Variants in CAPN5 observed in about 807,000 individuals in gnomAD.
CAPN5 encodes calpain 5, also known as calpain-5.
In CAPN5, 54 loss-of-function variants were observed where a neutral mutation model predicts 73.0. That is an observed-to-expected ratio of 0.74 (90% confidence interval 0.59 to 0.93). The LOEUF is 0.93. CAPN5 is among the 40% of genes least tolerant of loss of function. CAPN5 has a pLI of 0.00. For synonymous variants in CAPN5, 335 were observed against 356.9 expected (o/e 0.94, Z 0.69); for missense variants, 785 against 882.9 (o/e 0.89, Z 1.41).
rs1950512047 is a variant in CAPN5 at position 77,120,637 on chromosome 11, G to T, written c.1291-76G>T. On this transcript the variant is annotated intron_variant, in intron 9 of 12. Coordinates refer to ENST00000648180, the MANE Select transcript of CAPN5 (RefSeq NM_004055.5). Reference sequence around the variant, plus strand: ...GGATTCCATCGTCCCTTCCATGGTGGTGAGGGGGAGGCGGGGTGGGCCAGG... The same window carrying T: ...GGATTCCATCGTCCCTTCCATGGTGTTGAGGGGGAGGCGGGGTGGGCCAGG... The T allele has an allele frequency of 4.4e-6, 4 of 918,638 alleles. No homozygotes were observed. In the South Asian group the frequency reaches 6.5e-5, roughly 15 times the overall value. 56.9% of individuals were successfully genotyped at this position (918,638 alleles called of 1,614,324 possible). A position where few individuals can be genotyped will look rare whatever the true frequency, so the allele number is the denominator to read the frequency against.
At chr11:77,093,410 C>T (rs1555036862) in intron 2 of CAPN5, among the ~76,000 whole-genome samples, 2 of 152,206 alleles carry the variant, frequency 1.3e-5, no homozygotes, top group African/African-American at 4.8e-5. Context: ...CGTCTTCCCA[C>T]AGGTTCTTCA....
chr11:77,111,721 G>A (rs1950412199), intron 3 of CAPN5, among the ~76,000 whole-genome samples: 1 of 152,140 alleles, frequency 6.6e-6, no homozygotes, highest in Non-Finnish European at 1.5e-5. Context: ...CATTCCCAGT[G>A]TAACATCAGA....
intron 3 of CAPN5, among the ~76,000 whole-genome samples, chr11:77,101,979 A>T (rs1950289684): frequency 6.6e-6 from 1 of 152,220 alleles, no homozygotes; most frequent in Non-Finnish European, 1.5e-5. Context: ...GGGCTGCGGC[A>T]CAGCCAGCCA....
rs190386856 is a variant in CAPN5 at position 77,126,059 on chromosome 11, C to T, written c.*2189C>T. 1 of 152,364 alleles carries T rather than the reference C, an allele frequency of 6.6e-6. No homozygotes were observed. Among genetic ancestry groups the T allele is most frequent in the East Asian group, 1.9e-4 (1 of 5,174 alleles). 9.4% of individuals were successfully genotyped at this position (152,364 alleles called of 1,614,324 possible). On this transcript the variant is annotated 3_prime_UTR_variant, in exon 13 of 13. Transcript: ENST00000648180. ...GGTGGGTAGGGCCTCCAGCCCACAC[C>T]ACCCAGACCTAGGCTTCCCTCTTCT...
At chr11:77,105,932 G>A (rs1288542629) in intron 3 of CAPN5, among the ~76,000 whole-genome samples, 1 of 152,192 alleles carries the variant, frequency 6.6e-6, no homozygotes, top group Non-Finnish European at 1.5e-5. Context: ...GGAGGGGCTG[G>A]AAGCAGGTGT....
At chr11:77,098,559 C>A (rs1221384989) in intron 3 of CAPN5, among the ~76,000 whole-genome samples, 20 of 87,494 alleles carry the variant, frequency 2.3e-4, no homozygotes, top group African/African-American at 1.0e-3. Flanking sequence ...GGGCTGACCC[C>A]CCCACCTCCC....
intron 2 of CAPN5, among the ~76,000 whole-genome samples, chr11:77,090,922 C>T (rs1950142155): frequency 6.6e-6 from 1 of 152,134 alleles, no homozygotes; most frequent in African/African-American, 2.4e-5. Context: ...GCCTGTGCTT[C>T]CTGACGGGGT....
intron 3 of CAPN5, 53 bp downstream of exon 3, chr11:77,093,866 T>C: frequency 6.3e-7 from 1 of 1,586,426 alleles, no homozygotes; most frequent in South Asian, 1.1e-5. Context: ...ACGCAGCCTG[T>C]GGCCCTCACT....
intron 10 of CAPN5, among the ~76,000 whole-genome samples, chr11:77,121,300 T>A (rs1442364715): frequency 6.6e-6 from 1 of 152,226 alleles, no homozygotes; most frequent in Non-Finnish European, 1.5e-5. Flanking sequence ...GTTCCAGGGT[T>A]GGGTCTTGTC....
rs974706556 is a variant in CAPN5 at position 77,119,048 on chromosome 11, A to G, written c.1186A>G (p.Lys396Glu). Residue 396 changes from lysine (K) to glutamate (E), a missense_variant, in exon 9 of 13, where the codon AAG becomes GAG. Transcript: ENST00000648180. Reference sequence around the variant, plus strand: ...CCTGCAGTACATCTTCGAAGTCAAGAAGCCAGAAGATGAAGTCCTGATCTG... The same window carrying G: ...CCTGCAGTACATCTTCGAAGTCAAGGAGCCAGAAGATGAAGTCCTGATCTG... ...QNPQYIFEVKKPEDEVLICIQ... is the reference protein window; with the variant it reads ...QNPQYIFEVKEPEDEVLICIQ... 1 of 1,613,794 alleles carries G rather than the reference A, an allele frequency of 6.2e-7. No individual in the cohort carries two copies. The highest frequency in any genetic ancestry group is 1.3e-5 in the African/African-American group (1 of 75,060).
intron 3 of CAPN5, 136 bp from the exon 4 acceptor site, chr11:77,112,453 C>T: frequency 1.4e-6 from 1 of 692,208 alleles, no homozygotes; most frequent in Admixed American, 2.2e-5. Flanking sequence ...CTCACGAAGG[C>T]TTGTGGCAGA....
At chr11:77,093,560 A>G (rs1950174214) in intron 2 of CAPN5, 122 bp from the exon 3 acceptor site, 3 of 1,409,158 alleles carry the variant, frequency 2.1e-6, no homozygotes, top group South Asian at 2.8e-5. Flanking sequence ...CAGGTGAATC[A>G]CCATGCTGAT....
chr11:77,111,460 C>T (rs1193230289), intron 3 of CAPN5, among the ~76,000 whole-genome samples: 7 of 152,120 alleles, frequency 4.6e-5, no homozygotes, highest in Non-Finnish European at 5.9e-5. Context: ...TGAAGTAGGG[C>T]TGGATAATAG....
chr11:77,110,546 C>G (rs1278164933), intron 3 of CAPN5, among the ~76,000 whole-genome samples: 2 of 152,204 alleles, frequency 1.3e-5, no homozygotes, highest in Non-Finnish European at 2.9e-5. Flanking sequence ...GGTTTGAACC[C>G]TGCCTCCCTC....
At position 77,124,026 on chromosome 11, in the gene CAPN5, C is replaced by A; in HGVS notation, c.*156C>A. 1 of 685,934 alleles carries A rather than the reference C, an allele frequency of 1.5e-6. No individual in the cohort carries two copies. Among genetic ancestry groups the A allele is most frequent in the Non-Finnish European group, 2.4e-6 (1 of 414,670 alleles). 42.5% of individuals were successfully genotyped at this position (685,934 alleles called of 1,614,324 possible). A position where few individuals can be genotyped will look rare whatever the true frequency, so the allele number is the denominator to read the frequency against. ...TAGGAAGTCTCTGCCCCTCTCTCAG[C>A]CTCAGTGTCCCGAGGGCCCCGAAGC... On this transcript the variant is annotated 3_prime_UTR_variant, in exon 13 of 13. Coordinates refer to ENST00000648180, the MANE Select transcript of CAPN5 (RefSeq NM_004055.5).
chr11:77,099,570 C>T (rs1189047632), intron 3 of CAPN5, among the ~76,000 whole-genome samples: 3 of 151,882 alleles, frequency 2.0e-5, no homozygotes, highest in African/African-American at 7.3e-5. Context: ...TCCACCAAAA[C>T]CAGTCAGGCG....
rs116960660 is a variant in CAPN5 at position 77,102,628 on chromosome 11, G to A, written c.297+8815G>A. On this transcript the variant is annotated intron_variant, in intron 3 of 12. Transcript: ENST00000648180. Reference sequence around the variant, plus strand: ...GCAGGGCCTGCATTATCGCTTCTGCGGGGACTGGAGTGGAGGCAGATGGGG... The same window carrying A: ...GCAGGGCCTGCATTATCGCTTCTGCAGGGACTGGAGTGGAGGCAGATGGGG... Among the ~76,000 whole-genome samples the A allele has an allele frequency of 2.9e-3, 438 of 152,368 alleles. 1 individual carries two copies. Among genetic ancestry groups the A allele is most frequent in the Non-Finnish European group, 5.2e-3 (351 of 68,036 alleles).
At chr11:77,071,520 C>T (rs1350075514) in intron 1 of CAPN5, 4 of 406,196 alleles carry the variant, frequency 9.8e-6, no homozygotes, top group Non-Finnish European at 2.1e-5. Flanking sequence ...GGTGAGAATA[C>T]CAAGGCCTAT....
Position 77,119,157 on chromosome 11 carries a change from G to A in CAPN5, c.1290+5G>A, listed in dbSNP as rs1555042282. ...ATTGGCTTTGACATCTACAAGGTGA[G>A]GCCAGCCGGGTCCCCTGCCGTGGGT... is the stretch of plus-strand genomic sequence containing the variant. On this transcript the variant is annotated splice_donor_5th_base_variant and intron_variant, in intron 9 of 12. Transcript: ENST00000648180. The A allele has an allele frequency of 6.2e-7, 1 of 1,606,362 alleles. No individual in the cohort carries two copies. The highest frequency in any genetic ancestry group is 8.5e-7 in the Non-Finnish European group (1 of 1,176,508).
Sources: gnomAD v4.1 joint callset for allele counts (sites outside exome capture counted in the v4.1 genomes callset) on GRCh38, gnomAD v4.1.1 for gene constraint, MANE v1.5 for transcripts, NCBI Gene and HGNC (gene_info 2026-07-23, HGNC 2026-07-21) for gene names.